NBAS: variants seen among roughly 807,000 people sequenced by gnomAD.
NBAS encodes the protein NBAS subunit of NRZ tethering complex, also known as NAG/BC035112 fusion.
NBAS carries 219 observed loss-of-function variants against 302.5 expected under a neutral mutation model. That is an observed-to-expected ratio of 0.72 (90% CI 0.65 to 0.81). The LOEUF is 0.81. Among genes scored for constraint, NBAS ranks in the 30% least tolerant of loss-of-function variants. NBAS has a pLI of 0.00. For missense variants in NBAS, 2,932 were observed against 2,841.6 expected (o/e 1.03, Z -0.72); for synonymous variants, 1,118 against 1,021.6 (o/e 1.09, Z -1.80).
chr2:14,994,548 G>T, the NBAS span, among the ~76,000 whole-genome samples: 1 of 152,178 alleles, frequency 6.6e-6, no homozygotes, highest in Admixed American at 6.5e-5. Flanking sequence ...AAGGGGCCTT[G>T]GATGTGGCTG....
intron 29 of NBAS, among the ~76,000 whole-genome samples, chr2:15,380,605 A>G (rs190374755): frequency 3.8e-4 from 51 of 135,408 alleles, no homozygotes; most frequent in Non-Finnish European, 6.0e-4. Flanking sequence ...TCATACAAAT[A>G]TCATTGTACT....
At chr2:15,028,354 T>C in the NBAS span, among the ~76,000 whole-genome samples, 1 of 152,232 alleles carries the variant, frequency 6.6e-6, no homozygotes, top group African/African-American at 2.4e-5. Flanking sequence ...GCATTCCAGG[T>C]GATTCTGACA....
At chr2:14,883,865 G>A in the NBAS span, among the ~76,000 whole-genome samples, 1 of 152,010 alleles carries the variant, frequency 6.6e-6, no homozygotes, top group Admixed American at 6.6e-5. Context: ...GGAGGCTGAT[G>A]TAGGAGGATC....
chr2:15,021,438 A>G, the NBAS span, among the ~76,000 whole-genome samples: 1 of 152,124 alleles, frequency 6.6e-6, no homozygotes, highest in South Asian at 2.1e-4. Context: ...ATGCATTATC[A>G]TGTGTTGTTG....
intron 40 of NBAS, among the ~76,000 whole-genome samples, chr2:15,304,192 G>A (rs1037383820): frequency 6.6e-5 from 10 of 152,144 alleles, no homozygotes; most frequent in South Asian, 2.1e-4. Flanking sequence ...CCCCCATGCC[G>A]TTCTGGTGGT....
chr2:15,334,392 G>A lies in NBAS; in HGVS notation c.4180-3627C>T, dbSNP rs557259165. ...TTTCGTAGAGATGGAGTTTCACCGT[G>A]TTAGCCAGGATGGTCTTGATCTCCT... On this transcript the variant is annotated intron_variant, in intron 35 of 51. Transcript: ENST00000281513. Among the ~76,000 whole-genome samples the A allele has an allele frequency of 2.0e-5, 3 of 152,108 alleles. No individual in the cohort carries two copies. The East Asian group carries it at 5.8e-4, about 30-fold the overall frequency.
intron 44 of NBAS, among the ~76,000 whole-genome samples, chr2:15,270,819 T>C (rs910898050): frequency 2.6e-5 from 4 of 152,190 alleles, no homozygotes; most frequent in East Asian, 1.9e-4. Context: ...ATGTCTCCTA[T>C]GGAAAATAAT....
At chr2:15,160,585 C>CGGGGGGGGGGG in the NBAS span, among the ~76,000 whole-genome samples, 3 of 92,282 alleles carry the variant, frequency 3.3e-5, no homozygotes, top group African/African-American at 4.7e-5. Context: ...CCAGTGTGGG[C>CGGGGGGGGGGG]GGGGGGAGGG....
intron 44 of NBAS, among the ~76,000 whole-genome samples, chr2:15,266,807 C>G (rs1669097013): frequency 6.6e-6 from 1 of 152,136 alleles, no homozygotes; most frequent in African/African-American, 2.4e-5. Flanking sequence ...TGTGACTCCT[C>G]TTTATGCACT....
At chr2:14,783,293 C>T in the NBAS span, among the ~76,000 whole-genome samples, 2 of 151,910 alleles carry the variant, frequency 1.3e-5, no homozygotes, top group Admixed American at 1.3e-4. Flanking sequence ...AGCCTCTGAA[C>T]AAAAAGTTCC....
intron 26 of NBAS, among the ~76,000 whole-genome samples, chr2:15,398,490 G>C (rs943942208): frequency 6.6e-6 from 1 of 152,154 alleles, no homozygotes; most frequent in Admixed American, 6.5e-5. Context: ...ATTTATCATA[G>C]ATATTAGAGA....
chr2:15,333,829 T>A (rs1208092377), intron 35 of NBAS, among the ~76,000 whole-genome samples: 6 of 131,076 alleles, frequency 4.6e-5, no homozygotes, highest in African/African-American at 5.9e-5. Flanking sequence ...CAAGGTTAGA[T>A]ACAGTGGAGG....
At chr2:15,221,000 C>T (rs1004407344) in intron 47 of NBAS, among the ~76,000 whole-genome samples, 4 of 152,094 alleles carry the variant, frequency 2.6e-5, no homozygotes, top group Non-Finnish European at 4.4e-5. Context: ...AGTGAAACTA[C>T]AAAATGTTGT....
chr2:15,087,176 G>C, the NBAS span, among the ~76,000 whole-genome samples: 11 of 149,258 alleles, frequency 7.4e-5, no homozygotes, highest in African/African-American at 2.8e-4. Context: ...CTTGGGACTA[G>C]CCAGCCTCCA....
chr2:14,858,069 C>T, the NBAS span, among the ~76,000 whole-genome samples: 1 of 151,912 alleles, frequency 6.6e-6, no homozygotes, highest in Non-Finnish European at 1.5e-5. Flanking sequence ...CAGGTAGATC[C>T]TCAACATCAC....
At chr2:15,209,698 G>T (rs187489717) in intron 48 of NBAS, among the ~76,000 whole-genome samples, 1 of 152,136 alleles carries the variant, frequency 6.6e-6, no homozygotes, top group African/African-American at 2.4e-5. Context: ...AAAACTGGAG[G>T]AATCATATTA....
intron 38 of NBAS, among the ~76,000 whole-genome samples, chr2:15,315,239 T>C (rs1270376241): frequency 6.6e-6 from 1 of 152,170 alleles, no homozygotes; most frequent in African/African-American, 2.4e-5. Flanking sequence ...ATGATTTACT[T>C]TGAAATGCAT....
chr2:14,978,175 T>C, the NBAS span, among the ~76,000 whole-genome samples: 451 of 152,340 alleles, frequency 3.0e-3, 1 homozygote, highest in African/African-American at 0.011. Flanking sequence ...CTTAGTCTAG[T>C]GATCATCTCC....
chr2:15,155,865 G>A, the NBAS span, among the ~76,000 whole-genome samples: 2 of 152,154 alleles, frequency 1.3e-5, no homozygotes, highest in African/African-American at 4.8e-5. Context: ...TTGCGCAGAT[G>A]GTCTATGAGA....
Sources: gnomAD v4.1 joint callset for allele counts (sites outside exome capture counted in the v4.1 genomes callset) on GRCh38, gnomAD v4.1.1 for gene constraint, MANE v1.5 for transcripts, NCBI Gene and HGNC (gene_info 2026-07-23, HGNC 2026-07-21) for gene names.